NEB: variants seen among roughly 807,000 people sequenced by gnomAD.
NEB encodes nebulin.
Under a neutral mutation model 952.2 loss-of-function variants are expected in NEB, and 512 were observed. The observed-to-expected ratio is 0.54, with a 90% confidence interval of 0.50 to 0.58. The LOEUF is 0.58. Among genes scored for constraint, NEB ranks in the 20% least tolerant of loss-of-function variants. The probability of loss-of-function intolerance (pLI) is 0.00; values close to 1 mark genes in which losing one functional copy is unlikely to be tolerated. For missense variants in NEB, 8,428 were observed against 9,231.1 expected (o/e 0.91, Z 3.56); for synonymous variants, 2,900 against 3,149.8 (o/e 0.92, Z 2.66).
At position 151,567,423 on chromosome 2, in the gene NEB, C is replaced by T. The variant is rs573047672; in HGVS notation, c.17901G>A (p.Thr5967=). The T allele has an allele frequency of 8.7e-6, 14 of 1,613,586 alleles. No homozygotes were observed. In the African/African-American group the frequency reaches 9.3e-5, roughly 11 times the overall value. Reference sequence around the variant, plus strand: ...AAACCAGCTTAGGATCATCTCTCATCGTCGGGACACCAACATAATGACCTT... The same window carrying T: ...AAACCAGCTTAGGATCATCTCTCATTGTCGGGACACCAACATAATGACCTT... ...KQKGHYVGVP[T]MRDDPKLVWF... The change falls in exon 114 of 182, where the codon ACG becomes ACA. Residue 5967 remains threonine, a synonymous_variant. Transcript: ENST00000397345.
At chr2:151,503,304 ATTT>A (rs751129598) in intron 166 of NEB, 42 bp downstream of exon 166, 1 of 1,430,286 alleles carries the variant, frequency 7.0e-7, no homozygotes, top group African/African-American at 1.4e-5. Flanking sequence ...ATTGTGGTAA[ATTT>A]TTTATGGGAA....
chr2:151,503,022 CT>C (rs2065915329), intron 166 of NEB, 137 bp from the exon 167 acceptor site: 2 of 614,702 alleles, frequency 3.3e-6, no homozygotes, highest in Non-Finnish European at 5.6e-6. Flanking sequence ...AATGTTTTTA[CT>C]TTTTTCACAG....
Position 151,633,890 on chromosome 2 carries a change from T to C in NEB, c.9178A>G (p.Met3060Val), listed in dbSNP as rs538524863. 2.0e-4 allele frequency: 323 copies of C among 1,614,016 alleles called. No homozygotes were observed. Among genetic ancestry groups the C allele is most frequent in the Non-Finnish European group, 1.6e-4 (189 of 1,179,880 alleles). ...GARNIEDDPK[M>V]MWSMHVAKIQ... ...TTGGCTACGTGCATGGACCACATCA[T>C]CTTGGGGTCATCTTCAATGTTCCGG... The change falls in exon 65 of 182, where the codon ATG (methionine) becomes GTG (valine). Residue 3060 changes from methionine to valine, a missense_variant. Met to Val is a conservative substitution (Grantham distance 21). This residue lies in a region of NEB where 1,772 missense variants were observed against 1,960.3 expected (regional missense o/e 0.90). Transcript: ENST00000397345.
At chr2:151,496,915 GTTTTT>G (rs762961586) in intron 172 of NEB, 21 bp downstream of exon 172, 3 of 1,527,460 alleles carry the variant, frequency 2.0e-6, no homozygotes, top group Non-Finnish European at 2.7e-6. Context: ...TCAGTAAGTA[GTTTTT>G]TTCTTTTCTT....
chr2:151,706,029 C>A (rs1279172193), intron 13 of NEB, among the ~76,000 whole-genome samples: 3 of 152,160 alleles, frequency 2.0e-5, no homozygotes, highest in Non-Finnish European at 4.4e-5. Context: ...AGAACTTTTC[C>A]ATGTAACCAA....
chr2:151,713,938 A>G (rs1559541632), intron 10 of NEB, among the ~76,000 whole-genome samples: 2 of 152,318 alleles, frequency 1.3e-5, no homozygotes, highest in East Asian at 3.9e-4. Context: ...TGGGAGCTGT[A>G]AGAAAAGGGT....
rs1262159982 is a variant in NEB at position 151,697,248 on chromosome 2, T to A, written c.1370A>T (p.Asn457Ile). ...MKVTAQNSDK[N>I]YKAEYEEDRG... Reference sequence around the variant, plus strand: ...GTCTTCTTCGTATTCTGCTTTGTAGTTTTTCTATGAGGAGAAGAAATTAGG... The same window carrying A: ...GTCTTCTTCGTATTCTGCTTTGTAGATTTTCTATGAGGAGAAGAAATTAGG... The change falls in exon 16 of 182, where the codon AAC becomes ATC. Residue 457 changes from asparagine to isoleucine, a missense_variant. Physicochemically the swap from Asn to Ile is moderately radical, Grantham distance 149. Around this residue, in one of 11 missense-constraint regions of NEB, gnomAD observed 2,851 missense variants for 2,791.5 expected, o/e 1.02. Coordinates refer to ENST00000397345, the MANE Select transcript of NEB (RefSeq NM_001164508.2). 12 of 1,613,692 alleles carry A rather than the reference T, an allele frequency of 7.4e-6. No homozygotes were observed. The highest frequency in any genetic ancestry group is 1.3e-5 in the African/African-American group (1 of 74,936).
intron 6 of NEB, 57 bp from the exon 7 acceptor site, chr2:151,725,018 A>C (rs1459059504): frequency 7.4e-7 from 1 of 1,355,476 alleles, no homozygotes; most frequent in Non-Finnish European, 1.1e-6. Flanking sequence ...TGAGTATATT[A>C]AGGAATTTCT....
chr2:151,607,393 C>T, intron 83 of NEB, 111 bp downstream of exon 83: 1 of 522,804 alleles, frequency 1.9e-6, no homozygotes, highest in East Asian at 4.8e-5. Context: ...AAATGTCTAG[C>T]ACCAAAAGCC....
chr2:151,538,853 C>A (rs1020100132), intron 138 of NEB, among the ~76,000 whole-genome samples: 2 of 152,000 alleles, frequency 1.3e-5, no homozygotes, highest in African/African-American at 2.4e-5. Context: ...ATAGATGATT[C>A]ATCTAATCTA....
rs115624280 is a variant in NEB at position 151,675,137 on chromosome 2, G to C, written c.3879+150C>G. ...CCTACATTTGAAAAGGCCAACTGAA[G>C]AGGTAAAGAACCATCCTTATGGGAT... On this transcript the variant is annotated intron_variant, in intron 35 of 181. Transcript: ENST00000397345. 9.0e-4 allele frequency: 605 copies of C among 673,640 alleles called. 2 individuals are homozygous for C. The African/African-American group carries it at 9.9e-3, about 11-fold the overall frequency. 41.7% of individuals were successfully genotyped at this position (673,640 alleles called of 1,614,324 possible).
chr2:151,652,873 A>T (rs2099045907), intron 52 of NEB, among the ~76,000 whole-genome samples: 1 of 152,170 alleles, frequency 6.6e-6, no homozygotes, highest in Non-Finnish European at 1.5e-5. Context: ...TCAATTCCTA[A>T]ACTATCTTTA....
Position 151,561,257 on chromosome 2 carries a change from T to A in NEB, c.19052A>T (p.Asp6351Val), listed in dbSNP as rs1467677697. 2 of 1,608,238 alleles carry A rather than the reference T, an allele frequency of 1.2e-6. No individual in the cohort carries two copies. The highest frequency in any genetic ancestry group is 2.2e-5 in the South Asian group (2 of 90,020). The stretch of plus-strand genomic sequence containing the variant: ...AACAGCAGTCACATAGAGGGGCGTG[T>A]CTGTGACCAGATTATAGTTTTGTAG... ...ENLQNYNLVT[D>V]TPLYVTAVQS... Residue 6351 changes from aspartate (D) to valine (V), a missense_variant, in exon 122 of 182, where the codon GAC becomes GTC. Coordinates refer to ENST00000397345, the MANE Select transcript of NEB (RefSeq NM_001164508.2).
chr2:151,691,025 G>C (rs993798816), intron 23 of NEB, among the ~76,000 whole-genome samples, 200 bp from the exon 24 acceptor site: 2 of 151,732 alleles, frequency 1.3e-5, no homozygotes, highest in African/African-American at 4.8e-5. Flanking sequence ...AGTTGCCTCT[G>C]GTCTGCCTAC....
At chr2:151,493,971 G>GT in intron 174 of NEB, 104 bp from the exon 175 acceptor site, 2 of 913,824 alleles carry the variant, frequency 2.2e-6, no homozygotes, top group South Asian at 3.4e-5. Flanking sequence ...ATTACTATTA[G>GT]TGAGAACACC....
At chr2:151,497,143 A>G in intron 171 of NEB, 110 bp from the exon 172 acceptor site, 1 of 1,370,980 alleles carries the variant, frequency 7.3e-7, no homozygotes, top group Non-Finnish European at 1.0e-6. Context: ...CAGTTGTCCA[A>G]GGAGCCAGAA....
chr2:151,661,985 T>C, intron 46 of NEB, 150 bp downstream of exon 46: 1 of 637,464 alleles, frequency 1.6e-6, no homozygotes, highest in Non-Finnish European at 2.6e-6. Flanking sequence ...TCCTATTCTT[T>C]TTTTTTTTAA....
rs1257495033 is a variant in NEB at position 151,496,977 on chromosome 2, C to CATCT, written c.24353_24356dup (p.Met8119IlefsTer13). 5.7e-6 allele frequency: 9 copies of CATCT among 1,581,290 alleles called. No homozygotes were observed. The highest frequency in any genetic ancestry group is 2.3e-5 in the East Asian group (1 of 43,938). On this transcript the variant is annotated frameshift_variant, in exon 172 of 182. Coordinates refer to ENST00000397345, the MANE Select transcript of NEB (RefSeq NM_001164508.2). LOFTEE classifies it high-confidence loss of function. ...TTTCTTGATTGTGTTTGACTCTCTC[C>CATCT]ATCTCAGGAGTGACAGGTAGAGGGG...
chr2:151,695,686 T>C lies in NEB; in HGVS notation c.1570-4A>G, dbSNP rs752643338. 1 of 1,601,124 alleles carries C rather than the reference T, an allele frequency of 6.2e-7. No homozygotes were observed. On this transcript the variant is annotated splice_region_variant and splice_polypyrimidine_tract_variant and intron_variant, in intron 17 of 181. Coordinates refer to ENST00000397345, the MANE Select transcript of NEB (RefSeq NM_001164508.2). ...CATGTTTTGCTTTGTAATTTAACTA[T>C]GACAGAGAGAGAACCAATTAGTTCA...
Sources: gnomAD v4.1 joint callset for allele counts (sites outside exome capture counted in the v4.1 genomes callset) on GRCh38, gnomAD v4.1.1 for gene constraint, gnomAD v4.1.1 regional missense constraint, MANE v1.5 for transcripts, NCBI Gene and HGNC (gene_info 2026-07-23, HGNC 2026-07-21) for gene names.